MAD1L1: variants seen among roughly 807,000 people sequenced by gnomAD.
MAD1L1 encodes the protein mitotic spindle assembly checkpoint protein MAD1.
MAD1L1 carries 95 observed loss-of-function variants against 96.9 expected under a neutral mutation model. That is an observed-to-expected ratio of 0.98 (90% CI 0.83 to 1.16). MAD1L1 has a LOEUF of 1.16. Ranked by LOEUF, MAD1L1 falls within the 50% of genes most tolerant of loss-of-function variation. The pLI, the probability that MAD1L1 is intolerant of heterozygous loss-of-function variation, is 0.00. For missense variants in MAD1L1, 1,007 were observed against 954.4 expected (o/e 1.06, Z -0.73); for synonymous variants, 473 against 396.6 (o/e 1.19, Z -2.29).
At chr7:1,986,364 GCTTGGAACCACACGCCAGTCC>G (rs1781142338) in intron 14 of MAD1L1, among the ~76,000 whole-genome samples, 1 of 151,896 alleles carries the variant, frequency 6.6e-6, no homozygotes, top group Non-Finnish European at 1.5e-5. Context: ...CGCCAGTCCA[GCTTGGAACCACACGCCAGTCC>G]AGGGACCCCC....
At chr7:2,110,205 G>A (rs997552555) in intron 11 of MAD1L1, among the ~76,000 whole-genome samples, 1 of 152,232 alleles carries the variant, frequency 6.6e-6, no homozygotes, top group African/African-American at 2.4e-5. Flanking sequence ...CTCCTCCTGT[G>A]ACTTCAATGA....
intron 11 of MAD1L1, among the ~76,000 whole-genome samples, chr7:2,106,574 A>T (rs756265168): frequency 2.6e-5 from 4 of 152,132 alleles, no homozygotes; most frequent in Non-Finnish European, 4.4e-5. Flanking sequence ...AAGGCAGGCC[A>T]GGGGCACAAA....
chr7:1,871,355 A>C (rs1785082339), intron 18 of MAD1L1, among the ~76,000 whole-genome samples: 1 of 139,866 alleles, frequency 7.1e-6, no homozygotes, highest in Admixed American at 7.2e-5. Flanking sequence ...GCCACGCTGA[A>C]CCCAACATAT....
At chr7:1,975,634 A>G (rs914827380) in intron 15 of MAD1L1, among the ~76,000 whole-genome samples, 4 of 152,194 alleles carry the variant, frequency 2.6e-5, no homozygotes, top group South Asian at 2.1e-4. Context: ...AATTTCTACA[A>G]AAGAACATTA....
chr7:1,942,423 T>C (rs1475658106), intron 16 of MAD1L1, among the ~76,000 whole-genome samples: 1 of 152,158 alleles, frequency 6.6e-6, no homozygotes, highest in Non-Finnish European at 1.5e-5. Context: ...AGGCACACCA[T>C]TCCATGCCTC....
chr7:2,232,144 C>T (rs1794224141), intron 1 of MAD1L1, among the ~76,000 whole-genome samples: 1 of 152,232 alleles, frequency 6.6e-6, no homozygotes, highest in African/African-American at 2.4e-5. Flanking sequence ...CATGGCAGGC[C>T]GGCCCACCAG....
rs540615312 is a variant in MAD1L1 at position 1,880,969 on chromosome 7, C to T, written c.1998+17231G>A. Among the ~76,000 whole-genome samples, 23 of 152,350 alleles carry T rather than the reference C, an allele frequency of 1.5e-4. No individual in the cohort carries two copies. The South Asian group carries it at 4.8e-3, about 32-fold the overall frequency. On this transcript the variant is annotated intron_variant, in intron 18 of 18. Coordinates refer to ENST00000265854, the MANE Select transcript of MAD1L1 (RefSeq NM_001013836.2). ...GCTGCAGAGCTGAGCTGACAGAGGG[C>T]TCTCTAGGCAGGATGCCTGGTTCTT...
intron 18 of MAD1L1, among the ~76,000 whole-genome samples, chr7:1,821,326 A>T (rs1782115201): frequency 6.6e-6 from 1 of 152,112 alleles, no homozygotes; most frequent in Non-Finnish European, 1.5e-5. Context: ...ATGCTACTCA[A>T]AATCTCCAGT....
At chr7:1,955,669 T>C (rs551324623) in intron 16 of MAD1L1, among the ~76,000 whole-genome samples, 1 of 152,248 alleles carries the variant, frequency 6.6e-6, no homozygotes, top group Non-Finnish European at 1.5e-5. Context: ...AACAAGCCAT[T>C]TATCCCCTAG....
chr7:1,816,739 G>C (rs1302045297), intron 18 of MAD1L1, among the ~76,000 whole-genome samples: 1 of 152,064 alleles, frequency 6.6e-6, no homozygotes. Context: ...TGGAGAACGG[G>C]CAAGGAGGAG....
chr7:2,232,075 C>G (rs751179724), intron 1 of MAD1L1, among the ~76,000 whole-genome samples: 3 of 152,170 alleles, frequency 2.0e-5, no homozygotes, highest in African/African-American at 4.8e-5. Flanking sequence ...CTTTGGAAGG[C>G]TGAAGACAAA....
chr7:1,959,024 G>A (rs1454606652), intron 15 of MAD1L1, among the ~76,000 whole-genome samples: 3 of 152,236 alleles, frequency 2.0e-5, no homozygotes, highest in African/African-American at 7.2e-5. Context: ...GGCCAAGGCA[G>A]CTGGATCGCT....
At chr7:2,221,141 C>T (rs1793584736) in intron 5 of MAD1L1, 4 of 889,158 alleles carry the variant, frequency 4.5e-6, no homozygotes, top group Non-Finnish European at 6.9e-6. Context: ...ACCATCTTCC[C>T]CTCACTATGC....
intron 12 of MAD1L1, among the ~76,000 whole-genome samples, chr7:2,045,685 C>G (rs150197408): frequency 3.5e-5 from 5 of 143,886 alleles, no homozygotes; most frequent in African/African-American, 1.3e-4. Context: ...ATTTGGAGGC[C>G]GTGGAGCAAA....
chr7:1,963,007 G>C (rs1224731597), intron 15 of MAD1L1, among the ~76,000 whole-genome samples: 1 of 152,208 alleles, frequency 6.6e-6, no homozygotes, highest in Admixed American at 6.5e-5. Flanking sequence ...CTGCATGCTG[G>C]TGAGGAGAAG....
At chr7:1,858,171 G>C (rs1784350337) in intron 18 of MAD1L1, among the ~76,000 whole-genome samples, 1 of 152,212 alleles carries the variant, frequency 6.6e-6, no homozygotes, top group South Asian at 2.1e-4. Context: ...CTGAGAGCAG[G>C]GAACTCATCA....
At chr7:1,891,559 C>G (rs537807351) in intron 18 of MAD1L1, among the ~76,000 whole-genome samples, 10 of 151,972 alleles carry the variant, frequency 6.6e-5, no homozygotes, top group Non-Finnish European at 1.3e-4. Flanking sequence ...TTTATAAACT[C>G]AAAAAGTTAC....
chr7:2,191,379 TTTC>T (rs764442855), intron 10 of MAD1L1, among the ~76,000 whole-genome samples: 2 of 152,138 alleles, frequency 1.3e-5, no homozygotes, highest in Non-Finnish European at 2.9e-5. Context: ...CCTTTGGAAA[TTTC>T]TTGTTTATTT....
chr7:2,194,767 C>A (rs547336872), intron 10 of MAD1L1, among the ~76,000 whole-genome samples: 5 of 152,222 alleles, frequency 3.3e-5, no homozygotes, highest in South Asian at 2.1e-4. Flanking sequence ...AGAGAAAGTA[C>A]CTTTTCTATT....
Sources: gnomAD v4.1 joint callset for allele counts (sites outside exome capture counted in the v4.1 genomes callset) on GRCh38, gnomAD v4.1.1 for gene constraint, MANE v1.5 for transcripts, NCBI Gene and HGNC (gene_info 2026-07-23, HGNC 2026-07-21) for gene names.